Variants in PHF21A observed in about 807,000 individuals in gnomAD.
PHF21A encodes BHC80a.
PHF21A carries 11 observed loss-of-function variants against 82.5 expected under a neutral mutation model. The ratio of observed to expected loss-of-function variants is 0.13; its 90% CI spans 0.08 to 0.22. The LOEUF is 0.22. Among genes scored for constraint, PHF21A ranks in the 10% least tolerant of loss-of-function variants. The pLI, the probability that PHF21A is intolerant of heterozygous loss-of-function variation, is 1.00. For missense variants in PHF21A, 579 were observed against 837.8 expected (o/e 0.69, Z 3.81); for synonymous variants, 297 against 302.8 (o/e 0.98, Z 0.20).
intron 6 of PHF21A, among the ~76,000 whole-genome samples, chr11:45,997,728 ATTG>A (rs913772888): frequency 6.6e-6 from 1 of 152,224 alleles, no homozygotes; most frequent in Non-Finnish European, 1.5e-5. Context: ...GTTCTGACTC[ATTG>A]TTGGGCCATC....
rs1853238261 is a variant in PHF21A, at chr11:46,121,401, A to G, written c.-703T>C. Among the ~76,000 whole-genome samples the G allele has an allele frequency of 6.6e-6, 1 of 151,272 alleles. No homozygotes were observed. Among genetic ancestry groups the G allele is most frequent in the Non-Finnish European group, 1.5e-5 (1 of 67,666 alleles). On this transcript the variant is annotated 5_prime_UTR_variant, in exon 1 of 19. Coordinates refer to ENST00000676320, the MANE Select transcript of PHF21A (RefSeq NM_001352027.3). ...AACTCTTCATCCTCCTCCTCCTCTC[A>G]GCAGCAGCAGCGAGCACCACCAGCC...
At chr11:46,056,543 G>A (rs895581284) in intron 6 of PHF21A, among the ~76,000 whole-genome samples, 6 of 152,170 alleles carry the variant, frequency 3.9e-5, no homozygotes, top group South Asian at 2.1e-4. Flanking sequence ...TTTCTAAAAG[G>A]GGGAGAATGG....
chr11:46,018,069 T>C (rs1223355153), intron 6 of PHF21A, among the ~76,000 whole-genome samples: 1 of 151,474 alleles, frequency 6.6e-6, no homozygotes, highest in Non-Finnish European at 1.5e-5. Flanking sequence ...GCTAAAACGG[T>C]GAAACCCCGT....
chr11:46,105,206 C>G (rs1373287552), intron 1 of PHF21A, among the ~76,000 whole-genome samples: 2 of 152,210 alleles, frequency 1.3e-5, no homozygotes, highest in African/African-American at 2.4e-5. Context: ...GGCTCCTGCA[C>G]TAACATTCTT....
chr11:46,093,700 A>C (rs1255399319), intron 1 of PHF21A, among the ~76,000 whole-genome samples: 2 of 152,214 alleles, frequency 1.3e-5, no homozygotes, highest in Non-Finnish European at 2.9e-5. Context: ...CACATAGTAA[A>C]TGCTCAATAA....
chr11:46,043,817 T>C (rs1346002462), intron 6 of PHF21A, among the ~76,000 whole-genome samples: 1 of 152,220 alleles, frequency 6.6e-6, no homozygotes, highest in Non-Finnish European at 1.5e-5. Context: ...ATGCTCACTT[T>C]GGACTCCAGA....
At chr11:46,115,439 A>G (rs2097276895) in intron 1 of PHF21A, among the ~76,000 whole-genome samples, 1 of 152,256 alleles carries the variant, frequency 6.6e-6, no homozygotes, top group African/African-American at 2.4e-5. Context: ...ACATATACAC[A>G]CAAACATACA....
At chr11:45,969,452 T>C (rs2093635945) in intron 9 of PHF21A, among the ~76,000 whole-genome samples, 1 of 152,216 alleles carries the variant, frequency 6.6e-6, no homozygotes, top group Non-Finnish European at 1.5e-5. Context: ...TGTTGTTTCC[T>C]TCCCTACTCT....
chr11:46,084,680 ATT>A (rs11321400), intron 3 of PHF21A, among the ~76,000 whole-genome samples: 2,414 of 132,256 alleles, frequency 0.018, 22 homozygotes, highest in African/African-American at 0.02. Context: ...CAGAATCATA[ATT>A]TTTTTTTTTT....
At chr11:45,941,046 C>T (rs1004359947) in intron 15 of PHF21A, among the ~76,000 whole-genome samples, 12 of 151,968 alleles carry the variant, frequency 7.9e-5, no homozygotes. Context: ...ACTGAGGATC[C>T]CAGAGAGCTT....
intron 6 of PHF21A, among the ~76,000 whole-genome samples, chr11:46,053,562 G>T (rs1439844169): frequency 6.6e-6 from 1 of 151,782 alleles, no homozygotes; most frequent in Non-Finnish European, 1.5e-5. Context: ...TACCATGACT[G>T]GTAAAAAGAA....
intron 1 of PHF21A, among the ~76,000 whole-genome samples, chr11:46,112,565 T>C (rs1213318540): frequency 1.3e-5 from 2 of 152,208 alleles, no homozygotes; most frequent in Non-Finnish European, 2.9e-5. Flanking sequence ...ATTTCACCTC[T>C]TTCTCTGCCT....
At chr11:46,015,895 CATCTATCT>C (rs35580116) in intron 6 of PHF21A, among the ~76,000 whole-genome samples, 11,342 of 149,542 alleles carry the variant, frequency 0.076, 1,160 homozygotes, top group East Asian at 0.47. Flanking sequence ...GTTTTACAGT[CATCTATCT>C]ATCTATCTAT....
At chr11:46,093,039 A>G (rs1195132425) in intron 1 of PHF21A, among the ~76,000 whole-genome samples, 1 of 152,170 alleles carries the variant, frequency 6.6e-6, no homozygotes, top group African/African-American at 2.4e-5. Context: ...TACAGGTGTG[A>G]GCCACTGTGC....
rs1419267269 is a variant in PHF21A, at chr11:45,930,975, T to C, written c.*2993A>G. ...GGGAGATTGGGTGCCAGGGGCCTCT[T>C]CTTTACAGTAAAGCAGTGTTTTGGA... On this transcript the variant is annotated 3_prime_UTR_variant, in exon 19 of 19. Transcript: ENST00000676320. The C allele has an allele frequency of 6.7e-6, 1 of 148,696 alleles. No individual in the cohort carries two copies. The highest frequency in any genetic ancestry group is 1.5e-5 in the Non-Finnish European group (1 of 67,230). The allele number at this position is 148,696 out of a possible 1,614,324, so 9.2% of individuals were successfully genotyped here. A position where few individuals can be genotyped will look rare whatever the true frequency, so the allele number is the denominator to read the frequency against.
chr11:46,018,593 C>A lies in PHF21A; in HGVS notation c.154-38627G>T, dbSNP rs187518039. On this transcript the variant is annotated intron_variant, in intron 6 of 18. Coordinates refer to ENST00000676320, the MANE Select transcript of PHF21A (RefSeq NM_001352027.3). ...GTGTCCATTTAAATGCCTTTTAAATCCCACTAACCTATTTGACTCAATTTC... is the reference window on the plus strand; with the variant it reads ...GTGTCCATTTAAATGCCTTTTAAATACCACTAACCTATTTGACTCAATTTC... 5.9e-5 allele frequency among the ~76,000 whole-genome samples: 9 copies of A among 152,314 alleles called. No individual in the cohort carries two copies. In the East Asian group the frequency reaches 1.5e-3, roughly 26 times the overall value.
intron 6 of PHF21A, among the ~76,000 whole-genome samples, chr11:46,069,698 T>C (rs2096634310): frequency 6.6e-6 from 1 of 152,230 alleles, no homozygotes; most frequent in South Asian, 2.1e-4. Context: ...ATCTGGATTC[T>C]AGTATTGAAT....
intron 10 of PHF21A, among the ~76,000 whole-genome samples, chr11:45,959,095 G>C (rs1025519151): frequency 6.6e-6 from 1 of 151,802 alleles, no homozygotes; most frequent in South Asian, 2.1e-4. Context: ...AGAGTGGAAG[G>C]GTGGTTCAAT....
At chr11:45,987,147 G>A (rs1329675167) in intron 6 of PHF21A, among the ~76,000 whole-genome samples, 3 of 152,082 alleles carry the variant, frequency 2.0e-5, no homozygotes, top group Non-Finnish European at 2.9e-5. Flanking sequence ...TTGGGAGGCT[G>A]AGACAGGAAG....
Sources: allele counts gnomAD v4.1 joint callset (sites outside exome capture counted in the v4.1 genomes callset), GRCh38; gene constraint gnomAD v4.1.1; transcripts MANE v1.5; gene names NCBI Gene and HGNC (gene_info 2026-07-23, HGNC 2026-07-21).